Variants in PCDHGB4 observed in about 807,000 individuals in gnomAD.
PCDHGB4 encodes the protein protocadherin gamma subfamily B, 4, also known as protocadherin gamma-B4.
Under a neutral mutation model 60.5 loss-of-function variants are expected in PCDHGB4, and 38 were observed. The observed-to-expected ratio is 0.63, with a 90% CI of 0.48 to 0.82. PCDHGB4 has a LOEUF of 0.82. Ranked by LOEUF, PCDHGB4 falls within the 40% of genes least tolerant of loss-of-function variation. PCDHGB4 has a pLI of 0.00. For missense variants in PCDHGB4, 1,109 were observed against 1,209.6 expected (o/e 0.92, Z 1.23); for synonymous variants, 456 against 509.7 (o/e 0.89, Z 1.42).
In PCDHGB4 at chr5:141,487,000, G is replaced by A. The variant is rs1410493699; in HGVS notation, c.2398-7807G>A. On this transcript the variant is annotated intron_variant, in intron 1 of 3. Transcript: ENST00000519479. The surrounding 1 kb of genome is among the most constrained non-coding windows in gnomAD (Gnocchi z 5.0). ...GTTACAATGCTTGGGTTTCCTATCA[G>A]CTCCTGGAGGCCCCAGATCCCAGCC... The A allele has an allele frequency of 6.2e-7, 1 of 1,614,194 alleles. No homozygotes were observed. The highest frequency in any genetic ancestry group is 8.5e-7 in the Non-Finnish European group (1 of 1,180,036).
intron 1 of PCDHGB4, chr5:141,408,955 TA>T: frequency 2.5e-6 from 4 of 1,613,616 alleles, no homozygotes; most frequent in Non-Finnish European, 3.4e-6. Flanking sequence ...GAATTAGTCT[TA>T]GTGAAAATCT....
At position 141,423,488 on chromosome 5, in the gene PCDHGB4, A is replaced by G. The variant is rs141810253; in HGVS notation, c.2397+33207A>G. The G allele has an allele frequency of 9.2e-4, 1,481 of 1,613,946 alleles. 7 individuals carry two copies. The highest frequency in any genetic ancestry group is 3.0e-3 in the Middle Eastern group (18 of 6,062). On this transcript the variant is annotated intron_variant, in intron 1 of 3. Transcript: ENST00000519479. The stretch of plus-strand genomic sequence containing the variant: ...GGGGTACAGGCTTTCCTGCAAACCT[A>G]TTCCCACGAGGTCTCTCTCATTGCG...
intron 1 of PCDHGB4, chr5:141,392,736 C>T: frequency 2.8e-6 from 4 of 1,429,672 alleles, no homozygotes; most frequent in Non-Finnish European, 3.7e-6. Context: ...TTGTCATCTC[C>T]ATAGCTGCGG....
Position 141,431,628 on chromosome 5 carries a change from A to T in PCDHGB4, c.2397+41347A>T, listed in dbSNP as rs1204083567. The T allele has an allele frequency of 6.2e-7, 1 of 1,614,138 alleles. No individual in the cohort carries two copies. Among genetic ancestry groups the T allele is most frequent in the Non-Finnish European group, 8.5e-7 (1 of 1,180,058 alleles). ...CGGTATGTGGACGACAAGGCGGCCC[A>T]AGTTTTCAAACTAGATTGTAATTCA... On this transcript the variant is annotated intron_variant, in intron 1 of 3. Coordinates refer to ENST00000519479, the MANE Select transcript of PCDHGB4 (RefSeq NM_003736.4). The surrounding 1 kb of genome is among the most constrained non-coding windows in gnomAD (Gnocchi z 4.8).
Position 141,485,096 on chromosome 5 carries a change from CCAG to C in PCDHGB4, c.2398-9709_2398-9707del. The C allele has an allele frequency of 8.9e-7, 1 of 1,125,684 alleles. No homozygotes were observed. The highest frequency in any genetic ancestry group is 1.3e-6 in the Non-Finnish European group (1 of 759,466). 69.7% of individuals were successfully genotyped at this position (1,125,684 alleles called of 1,614,324 possible). A position where few individuals can be genotyped will look rare whatever the true frequency, so the allele number is the denominator to read the frequency against. ...CGCGGGGAAAGGGAGATAGGTGTCTCCAGCTGCTGTGGCTGTTTGGGGCGGGTC... is the reference window on the plus strand; with the variant it reads ...CGCGGGGAAAGGGAGATAGGTGTCTCCTGCTGTGGCTGTTTGGGGCGGGTC... On this transcript the variant is annotated intron_variant, in intron 1 of 3. Transcript: ENST00000519479. The surrounding 1 kb of genome is among the most constrained non-coding windows in gnomAD (Gnocchi z 5.7).
chr5:141,388,313 T>C lies in PCDHGB4; in HGVS notation c.429T>C (p.Ser143=). 6.2e-7 allele frequency: 1 copy of C among 1,613,738 alleles called. No individual in the cohort carries two copies. Among genetic ancestry groups the C allele is most frequent in the Non-Finnish European group, 8.5e-7 (1 of 1,179,826 alleles). The change falls in exon 1 of 4, where the codon AGT becomes AGC. Residue 143 remains serine (S), a synonymous_variant. Coordinates refer to ENST00000519479, the MANE Select transcript of PCDHGB4 (RefSeq NM_003736.4). ...AAAATTCCTTTGAGCTGCAAATAAG[T>C]GAGTCTGCACAGCCTGGCACACGAT... ...FTQNSFELQI[S]ESAQPGTRFI... is the part of the protein sequence containing the mutation.
intron 1 of PCDHGB4, among the ~76,000 whole-genome samples, chr5:141,459,334 A>G (rs987526492): frequency 5.9e-5 from 9 of 152,116 alleles, no homozygotes; most frequent in Admixed American, 1.3e-4. Flanking sequence ...TTTTACTCCA[A>G]AGTTCTTGAA....
In PCDHGB4 at chr5:141,388,612, G is replaced by T; in HGVS notation, c.728G>T (p.Ser243Ile). ...GCCAATGATAATGCTCCAGTGTTCAGTCAAGACGTATACAGGGTGAGCCTT... is the reference window on the plus strand; with the variant it reads ...GCCAATGATAATGCTCCAGTGTTCATTCAAGACGTATACAGGGTGAGCCTT... The part of the protein sequence containing the change: ...TDANDNAPVF[S>I]QDVYRVSLSE... Residue 243 changes from serine (S) to isoleucine (I), a missense_variant, in exon 1 of 4, where the codon AGT (serine) becomes ATT (isoleucine). Coordinates refer to ENST00000519479, the MANE Select transcript of PCDHGB4 (RefSeq NM_003736.4). 6.2e-7 allele frequency: 1 copy of T among 1,613,954 alleles called. No homozygotes were observed. Among genetic ancestry groups the T allele is most frequent in the Non-Finnish European group, 8.5e-7 (1 of 1,179,896 alleles).
chr5:141,415,101 C>T, intron 1 of PCDHGB4: 1 of 1,613,550 alleles, frequency 6.2e-7, no homozygotes, highest in South Asian at 1.1e-5. Context: ...GAGACGCGCT[C>T]AAGCAAAGCC....
At chr5:141,445,573 A>G (rs1311326050) in intron 1 of PCDHGB4, among the ~76,000 whole-genome samples, 1 of 152,248 alleles carries the variant, frequency 6.6e-6, no homozygotes, top group Admixed American at 6.5e-5. Flanking sequence ...AGCTTATAGT[A>G]GGGAAGCTTC....
chr5:141,427,568 T>A (rs1260622772), intron 1 of PCDHGB4: 1 of 660,576 alleles, frequency 1.5e-6, no homozygotes, highest in Admixed American at 2.1e-5. Flanking sequence ...AGGGCAAGCC[T>A]CCGCTCTCAT....
At chr5:141,414,242 T>C (rs1412230684) in intron 1 of PCDHGB4, 1 of 1,613,538 alleles carries the variant, frequency 6.2e-7, no homozygotes, top group Admixed American at 1.7e-5. Flanking sequence ...ATCACGTCTC[T>C]ATTTAGTCCA....
At position 141,395,235 on chromosome 5, in the gene PCDHGB4, C is replaced by T. The variant is rs775441341; in HGVS notation, c.2397+4954C>T. 7 of 1,601,042 alleles carry T rather than the reference C, an allele frequency of 4.4e-6. No homozygotes were observed. In the South Asian group the frequency reaches 7.9e-5, roughly 18 times the overall value. ...ATATAAGAATGAAGCTGATCATGGT[C>T]AGGTGAGTTTAGTTCTTTGCTTGCT... On this transcript the variant is annotated intron_variant, in intron 1 of 3. Transcript: ENST00000519479.
intron 1 of PCDHGB4, chr5:141,396,092 A>G (rs1589275874): frequency 6.6e-6 from 1 of 152,314 alleles, no homozygotes; most frequent in East Asian, 1.9e-4. Context: ...AAGTGGTGAG[A>G]ATGTTGATAT....
At chr5:141,488,139 T>C (rs906194527) in intron 1 of PCDHGB4, among the ~76,000 whole-genome samples, 2 of 152,084 alleles carry the variant, frequency 1.3e-5, no homozygotes, top group Non-Finnish European at 2.9e-5. Context: ...AGGAGAGAAC[T>C]AAAGGAATAG....
At chr5:141,438,400 T>C (rs2154557880) in intron 1 of PCDHGB4, among the ~76,000 whole-genome samples, 1 of 151,918 alleles carries the variant, frequency 6.6e-6, no homozygotes, top group Non-Finnish European at 1.5e-5. Context: ...TCATTAACTC[T>C]CTGAAGTATT....
chr5:141,390,513 A>G lies in PCDHGB4; in HGVS notation c.2397+232A>G. ...TTTTTAGCCAAGCTTAGATTTATAA[A>G]GCAATGAGGGTGTGGTTTTAACCAC... is the stretch of plus-strand genomic sequence containing the variant. On this transcript the variant is annotated intron_variant, in intron 1 of 3. Coordinates refer to ENST00000519479, the MANE Select transcript of PCDHGB4 (RefSeq NM_003736.4). The G allele has an allele frequency of 1.0e-5, 6 of 581,214 alleles. No homozygotes were observed. The South Asian group carries it at 1.1e-4, about 10-fold the overall frequency. The allele number at this position is 581,214 out of a possible 1,614,324, so 36.0% of individuals were successfully genotyped here.
rs770660956 is a variant in PCDHGB4, at chr5:141,388,663, C to A, written c.779C>A (p.Thr260Lys). ...TCAGAAAACGTGTACCCGGGGACCA[C>A]GGTGCTACAGGTGACTGCCACGGAC... The part of the protein sequence containing the change: ...SLSENVYPGT[T>K]VLQVTATDQD... The change falls in exon 1 of 4, where the codon ACG (threonine) becomes AAG (lysine). Residue 260 changes from threonine to lysine, a missense_variant. Coordinates refer to ENST00000519479, the MANE Select transcript of PCDHGB4 (RefSeq NM_003736.4). 6.2e-7 allele frequency: 1 copy of A among 1,613,928 alleles called. No individual in the cohort carries two copies. The highest frequency in any genetic ancestry group is 8.5e-7 in the Non-Finnish European group (1 of 1,179,858).
chr5:141,453,111 G>A (rs1040339344), intron 1 of PCDHGB4, among the ~76,000 whole-genome samples: 5 of 151,718 alleles, frequency 3.3e-5, no homozygotes, highest in Non-Finnish European at 5.9e-5. Flanking sequence ...TTTTTGTTTT[G>A]TTTTGTTTTG....
Sources: allele counts gnomAD v4.1 joint callset (sites outside exome capture counted in the v4.1 genomes callset), GRCh38; gene constraint gnomAD v4.1.1; non-coding constraint Gnocchi (gnomAD v3.1); transcripts MANE v1.5; gene names NCBI Gene and HGNC (gene_info 2026-07-23, HGNC 2026-07-21).